Variants in RHBDL3 observed in about 807,000 individuals in gnomAD.
RHBDL3 encodes the protein rhomboid like 3.
Under a neutral mutation model 48.2 loss-of-function variants are expected in RHBDL3, and 28 were observed. The ratio of observed to expected loss-of-function variants is 0.58; its 90% CI spans 0.43 to 0.80. The LOEUF (loss-of-function observed/expected upper bound fraction) is 0.80, where lower values mean the gene tolerates loss of function less well. Among genes scored for constraint, RHBDL3 ranks in the 30% least tolerant of loss-of-function variants. RHBDL3 has a pLI of 0.00. For missense variants in RHBDL3, 464 were observed against 542.7 expected (o/e 0.85, Z 1.44); for synonymous variants, 208 against 232.3 (o/e 0.90, Z 0.95).
At chr17:32,280,324 AAAGT>A (rs1282452779) in intron 2 of RHBDL3, 1 of 150,730 alleles carries the variant, frequency 6.6e-6, no homozygotes, top group Non-Finnish European at 1.5e-5. Flanking sequence ...CCTCACTACC[AAAGT>A]GGGTGAATCT....
chr17:32,321,567 T>C lies in RHBDL3; in HGVS notation c.*338T>C. Reference sequence around the variant, plus strand: ...GGGGGTGCCCCCTCACTGCTGCGGATTGAGCAGCAGCTTCTTCCTCCTCCT... The same window carrying C: ...GGGGGTGCCCCCTCACTGCTGCGGACTGAGCAGCAGCTTCTTCCTCCTCCT... On this transcript the variant is annotated 3_prime_UTR_variant, in exon 9 of 9. Transcript: ENST00000269051. 2.2e-6 allele frequency: 1 copy of C among 453,672 alleles called. No homozygotes were observed. Among genetic ancestry groups the C allele is most frequent in the Admixed American group, 3.4e-5 (1 of 29,236 alleles). 28.1% of individuals were successfully genotyped at this position (453,672 alleles called of 1,614,324 possible).
At chr17:32,269,705 C>A (rs533887634) in intron 2 of RHBDL3, among the ~76,000 whole-genome samples, 104 of 152,370 alleles carry the variant, frequency 6.8e-4, no homozygotes, top group African/African-American at 2.5e-3. Context: ...GCCCTTCACA[C>A]CTCCTGCCAG....
In RHBDL3 at chr17:32,321,252, G is replaced by T. The variant is rs779331253; in HGVS notation, c.*23G>T. On this transcript the variant is annotated 3_prime_UTR_variant, in exon 9 of 9. Coordinates refer to ENST00000269051, the MANE Select transcript of RHBDL3 (RefSeq NM_138328.3). Reference sequence around the variant, plus strand: ...TGAGGGCTGGAGGCCCAAGGTCGGGGAGGGGAGGGAAAAGCAGCACCCACA... The same window carrying T: ...TGAGGGCTGGAGGCCCAAGGTCGGGTAGGGGAGGGAAAAGCAGCACCCACA... 8 of 1,613,848 alleles carry T rather than the reference G, an allele frequency of 5.0e-6. No individual in the cohort carries two copies. The East Asian group carries it at 1.6e-4, about 31-fold the overall frequency.
Position 32,289,024 on chromosome 17 carries a change from C to T in RHBDL3, c.519+8C>T, listed in dbSNP as rs374589254. 7.1e-4 allele frequency: 1,148 copies of T among 1,612,648 alleles called. 1 individual carries two copies. Among genetic ancestry groups the T allele is most frequent in the Non-Finnish European group, 9.4e-4 (1,108 of 1,178,904 alleles). Reference sequence around the variant, plus strand: ...ACAGTCACGCTGCTGGAGGCAAGGACAAGGGTGGGGAGGGGGTTGCTCTGC... The same window carrying T: ...ACAGTCACGCTGCTGGAGGCAAGGATAAGGGTGGGGAGGGGGTTGCTCTGC... On this transcript the variant is annotated splice_region_variant and intron_variant, in intron 4 of 8. Coordinates refer to ENST00000269051, the MANE Select transcript of RHBDL3 (RefSeq NM_138328.3).
chr17:32,269,104 T>G (rs1406630981), intron 2 of RHBDL3, among the ~76,000 whole-genome samples: 1 of 152,102 alleles, frequency 6.6e-6, no homozygotes, highest in Non-Finnish European at 1.5e-5. Flanking sequence ...TCCCAACACT[T>G]TGGGAGGCTA....
rs373170971 is a variant in RHBDL3, at chr17:32,305,376, C to G, written c.817C>G (p.Pro273Ala). The G allele has an allele frequency of 9.9e-6, 16 of 1,613,808 alleles. No homozygotes were observed. The highest frequency in any genetic ancestry group is 1.7e-5 in the Admixed American group (1 of 59,990). Residue 273 changes from proline (P) to alanine (A), a missense_variant, in exon 7 of 9, where the codon CCA becomes GCA. By Grantham distance (27) the Pro-to-Ala change is conservative. Coordinates refer to ENST00000269051, the MANE Select transcript of RHBDL3 (RefSeq NM_138328.3). ...LAVSVADMTA[P>A]VVGSSGGVYA... ...AGTGTCTGTGGCTGACATGACCGCT[C>G]CAGTCGTGGGCTCTTCTGGAGGGGT...
At chr17:32,274,415 C>T (rs912266918) in intron 2 of RHBDL3, among the ~76,000 whole-genome samples, 1 of 152,218 alleles carries the variant, frequency 6.6e-6, no homozygotes, top group Non-Finnish European at 1.5e-5. Context: ...ATTCCCCAGG[C>T]TTTTGTGAAG....
chr17:32,321,385 G>A lies in RHBDL3; in HGVS notation c.*156G>A. On this transcript the variant is annotated 3_prime_UTR_variant, in exon 9 of 9. Transcript: ENST00000269051. ...GTTTGTGTTTAGATTTGGACACACA[G>A]TGGAGACCCTTTTCTGAAAGGCATC... The A allele has an allele frequency of 6.5e-7, 1 of 1,532,718 alleles. No individual in the cohort carries two copies. Among genetic ancestry groups the A allele is most frequent in the Non-Finnish European group, 8.7e-7 (1 of 1,143,780 alleles). The allele number at this position is 1,532,718 out of a possible 1,614,324, so 94.9% of individuals were successfully genotyped here.
chr17:32,315,883 G>C (rs1320864950), intron 7 of RHBDL3, among the ~76,000 whole-genome samples: 1 of 151,730 alleles, frequency 6.6e-6, no homozygotes, highest in Non-Finnish European at 1.5e-5. Flanking sequence ...TGGTGGTTCT[G>C]TCTTGACTTT....
chr17:32,298,477 C>T (rs1272005737), intron 6 of RHBDL3, among the ~76,000 whole-genome samples: 1 of 152,236 alleles, frequency 6.6e-6, no homozygotes. Flanking sequence ...TCTCACACCA[C>T]CATGTGGTAG....
chr17:32,313,751 C>CTTTTTTTTTTTTT (rs559422433), intron 7 of RHBDL3, among the ~76,000 whole-genome samples: 2 of 98,630 alleles, frequency 2.0e-5, no homozygotes, highest in Admixed American at 1.4e-4. Flanking sequence ...AATTCCCTCC[C>CTTTTTTTTTTTTT]TTTTTTTTTT....
At chr17:32,295,336 C>T (rs866619386) in intron 5 of RHBDL3, among the ~76,000 whole-genome samples, 1 of 152,232 alleles carries the variant, frequency 6.6e-6, no homozygotes, top group South Asian at 2.1e-4. Flanking sequence ...CCCAAATTGG[C>T]TGCACCTGCG....
At chr17:32,269,438 G>C (rs895550487) in intron 2 of RHBDL3, among the ~76,000 whole-genome samples, 1 of 152,268 alleles carries the variant, frequency 6.6e-6, no homozygotes, top group African/African-American at 2.4e-5. Flanking sequence ...AGAGGAGCCA[G>C]CCGGTTGCAG....
chr17:32,277,869 C>CA (rs1241190523), intron 2 of RHBDL3, among the ~76,000 whole-genome samples: 1 of 152,212 alleles, frequency 6.6e-6, no homozygotes, highest in Non-Finnish European at 1.5e-5. Context: ...CAGGTTTCTC[C>CA]AGCCTAAAAC....
chr17:32,294,313 A>G lies in RHBDL3; in HGVS notation c.539A>G (p.Asn180Ser), dbSNP rs78134126. Reference protein sequence around the residue: ...TLLEVAFFLYNGVSLGQFVLQ... With the variant: ...TLLEVAFFLYSGVSLGQFVLQ... ...GTCCAGGTTGCCTTTTTCCTCTACA[A>G]TGGGGTGTCACTAGGTCAATTTGTA... Residue 180 changes from asparagine (N) to serine (S), a missense_variant, in exon 5 of 9, where the codon AAT (asparagine) becomes AGT (serine). Transcript: ENST00000269051. 1.9e-5 allele frequency: 30 copies of G among 1,613,882 alleles called. No individual in the cohort carries two copies. The East Asian group carries it at 5.6e-4, about 30-fold the overall frequency.
intron 4 of RHBDL3, among the ~76,000 whole-genome samples, chr17:32,292,671 G>GTGGGTGC (rs1416468610): frequency 6.6e-6 from 1 of 151,956 alleles, no homozygotes; most frequent in Non-Finnish European, 1.5e-5. Flanking sequence ...GGGCATGGTG[G>GTGGGTGC]CACACGTCTA....
intron 4 of RHBDL3, 31 bp from the exon 5 acceptor site, chr17:32,294,263 C>A: frequency 3.1e-6 from 5 of 1,606,050 alleles, no homozygotes; most frequent in Non-Finnish European, 4.3e-6. Flanking sequence ...GCAGTGTGCA[C>A]CTAGTAACAG....
intron 2 of RHBDL3, among the ~76,000 whole-genome samples, chr17:32,282,845 A>G (rs1301881310): frequency 3.9e-5 from 6 of 151,950 alleles, no homozygotes; most frequent in African/African-American, 1.5e-4. Context: ...GATGATCTTG[A>G]TCTCCTGACC....
At chr17:32,296,886 T>C (rs923125740) in intron 5 of RHBDL3, among the ~76,000 whole-genome samples, 7 of 151,850 alleles carry the variant, frequency 4.6e-5, no homozygotes, top group African/African-American at 2.4e-5. Context: ...CGATCTCGGC[T>C]CACTGCAACC....
Sources: allele counts gnomAD v4.1 joint callset (sites outside exome capture counted in the v4.1 genomes callset), GRCh38; gene constraint gnomAD v4.1.1; transcripts MANE v1.5; gene names NCBI Gene and HGNC (gene_info 2026-07-23, HGNC 2026-07-21).